The following TLN2 variants were observed in gnomAD, a reference collection of about 807,000 sequenced individuals.
The protein encoded by TLN2 is talin-2.
In TLN2, 118 loss-of-function variants were observed where a neutral mutation model predicts 294.7. The ratio of observed to expected loss-of-function variants is 0.40; its 90% CI spans 0.34 to 0.47. TLN2 has a LOEUF of 0.47. Among genes scored for constraint, TLN2 ranks in the 20% least tolerant of loss-of-function variants. The probability of loss-of-function intolerance (pLI) is 0.84; values close to 1 mark genes in which losing one functional copy is unlikely to be tolerated. For synonymous variants in TLN2, 1,431 were observed against 1,304.5 expected (o/e 1.10, Z -2.09); for missense variants, 3,083 against 3,282.2 (o/e 0.94, Z 1.48).
In TLN2 at chr15:62,797,339, C is replaced by G. The variant is rs775809167; in HGVS notation, c.6171C>G (p.Thr2057=). Residue 2057 remains threonine, a synonymous_variant, in exon 48 of 59, where the codon ACC becomes ACG. Transcript: ENST00000636159. ...CCCAGTCCTCAGCAGCCACCATCAC[C>G]CAGCTCGCAGAAGTGGTCAAGCTGG... ...QAAQSSAATI[T]QLAEVVKLGA... is the part of the protein sequence containing the mutation. The G allele has an allele frequency of 2.7e-5, 43 of 1,613,456 alleles. No individual in the cohort carries two copies. Among genetic ancestry groups the G allele is most frequent in the Non-Finnish European group, 3.3e-5 (39 of 1,179,990 alleles).
chr15:62,671,275 A>G (rs528832071), intron 9 of TLN2, among the ~76,000 whole-genome samples: 1 of 152,176 alleles, frequency 6.6e-6, no homozygotes, highest in African/African-American at 2.4e-5. Context: ...TTAAAAGTTT[A>G]TAATTTTGAA....
At chr15:62,742,679 C>T (rs993967710) in intron 32 of TLN2, among the ~76,000 whole-genome samples, 4 of 152,110 alleles carry the variant, frequency 2.6e-5, no homozygotes, top group Admixed American at 6.5e-5. Flanking sequence ...TAGCAGTTGA[C>T]GGAGAATTCC....
intron 12 of TLN2, among the ~76,000 whole-genome samples, chr15:62,692,338 A>C (rs111870988): frequency 0.025 from 3,749 of 152,178 alleles, 77 homozygotes; most frequent in South Asian, 0.051. Context: ...CAGACCATCC[A>C]CCTGCCTGGG....
At chr15:62,680,462 C>A (rs1245716845) in intron 11 of TLN2, among the ~76,000 whole-genome samples, 2 of 151,714 alleles carry the variant, frequency 1.3e-5, no homozygotes, top group East Asian at 3.9e-4. Flanking sequence ...ATATGTCAAC[C>A]ATGTGAAATA....
intron 51 of TLN2, among the ~76,000 whole-genome samples, chr15:62,808,830 TG>T (rs2141169534): frequency 6.6e-6 from 1 of 152,328 alleles, no homozygotes; most frequent in Non-Finnish European, 1.5e-5. Context: ...GAGGAAAAGC[TG>T]GCTCATACAT....
chr15:62,650,074 T>C lies in TLN2; in HGVS notation c.137-10T>C. On this transcript the variant is annotated splice_polypyrimidine_tract_variant and intron_variant, in intron 4 of 58. Transcript: ENST00000636159. The stretch of plus-strand genomic sequence containing the variant: ...TTTGCCTTCTGTTTTTCTTCCCATT[T>C]ATATTTCAGCTTCTGACTATGGACT... 6.2e-7 allele frequency: 1 copy of C among 1,613,934 alleles called. No individual in the cohort carries two copies. Among genetic ancestry groups the C allele is most frequent in the East Asian group, 2.2e-5 (1 of 44,872 alleles).
intron 4 of TLN2, among the ~76,000 whole-genome samples, chr15:62,648,668 C>T (rs143488338): frequency 0.014 from 2,096 of 151,542 alleles, 49 homozygotes; most frequent in South Asian, 0.053. Flanking sequence ...CTGCCTCAGC[C>T]TCCCAAGTAG....
chr15:62,526,730 C>A (rs901370017), intron 1 of TLN2, among the ~76,000 whole-genome samples: 1 of 152,212 alleles, frequency 6.6e-6, no homozygotes, highest in African/African-American at 2.4e-5. Flanking sequence ...CCCTTAGACC[C>A]TATCCCAAGT....
intron 1 of TLN2, among the ~76,000 whole-genome samples, chr15:62,553,345 C>T (rs1023699551): frequency 6.6e-6 from 1 of 152,138 alleles, no homozygotes; most frequent in East Asian, 1.9e-4. Flanking sequence ...ATTAGCTAGG[C>T]GTGATGGTGG....
At chr15:62,675,156 C>A in intron 10 of TLN2, 61 bp from the exon 11 acceptor site, 2 of 1,518,428 alleles carry the variant, frequency 1.3e-6, no homozygotes, top group South Asian at 1.1e-5. Context: ...AACTACCTCT[C>A]TCCAAGTCCA....
At chr15:62,653,969 A>T (rs1012399665) in intron 7 of TLN2, among the ~76,000 whole-genome samples, 2 of 152,190 alleles carry the variant, frequency 1.3e-5, no homozygotes, top group African/African-American at 4.8e-5. Flanking sequence ...ATGTATATTT[A>T]TGGGATGCAT....
chr15:62,646,718 C>A (rs2051899618), intron 3 of TLN2, among the ~76,000 whole-genome samples: 1 of 152,124 alleles, frequency 6.6e-6, no homozygotes, highest in Admixed American at 6.5e-5. Context: ...GCAGAGTGGC[C>A]AAAGTGACTT....
chr15:62,766,176 G>A, intron 40 of TLN2, 145 bp from the exon 41 acceptor site: 3 of 589,488 alleles, frequency 5.1e-6, no homozygotes, highest in Non-Finnish European at 5.9e-6. Flanking sequence ...GTCAGGGCAG[G>A]GTGCAGTGGC....
chr15:62,694,503 G>A lies in TLN2; in HGVS notation c.1292+111G>A, dbSNP rs553924006. The A allele has an allele frequency of 7.3e-6, 6 of 826,550 alleles. No homozygotes were observed. In the African/African-American group the frequency reaches 1.0e-4, roughly 14 times the overall value. The allele number at this position is 826,550 out of a possible 1,614,324, so 51.2% of individuals were successfully genotyped here. ...AGCCTGTCACCTGGAGAAGATGACA[G>A]CAGATGATATAGTTGAATCTTCTTC... is the stretch of plus-strand genomic sequence containing the variant. On this transcript the variant is annotated intron_variant, in intron 14 of 58. Transcript: ENST00000636159.
At chr15:62,820,989 T>G (rs987936585) in intron 54 of TLN2, among the ~76,000 whole-genome samples, 2 of 152,246 alleles carry the variant, frequency 1.3e-5, no homozygotes, top group Admixed American at 6.5e-5. Context: ...GAAATAGCAC[T>G]GCTGGGAATC....
intron 26 of TLN2, among the ~76,000 whole-genome samples, chr15:62,723,604 T>C (rs1351843772): frequency 7.2e-6 from 1 of 139,072 alleles, no homozygotes; most frequent in East Asian, 2.2e-4. Context: ...AGTACAGTGG[T>C]GCAGTCATGG....
rs1464232524 is a variant in TLN2 at position 62,820,532 on chromosome 15, A to C, written c.6924A>C (p.Thr2308=). Residue 2308 remains threonine (T), a synonymous_variant, in exon 54 of 59, where the codon ACA becomes ACC. Transcript: ENST00000636159. ...AAGACCCAACTGTCATTGCAGAAAC[A>C]GAGTTACTGGGGGCTGCAGCATCCA... The part of the protein sequence containing the change: ...DPEDPTVIAE[T]ELLGAAASIE... The C allele has an allele frequency of 1.9e-6, 3 of 1,614,020 alleles. No individual in the cohort carries two copies. Among genetic ancestry groups the C allele is most frequent in the Non-Finnish European group, 1.7e-6 (2 of 1,179,928 alleles).
intron 1 of TLN2, among the ~76,000 whole-genome samples, chr15:62,439,765 C>G (rs985549912): frequency 6.6e-6 from 1 of 152,190 alleles, no homozygotes; most frequent in African/African-American, 2.4e-5. Context: ...TTTGGGTATG[C>G]ATTGTCCTTT....
Position 62,694,537 on chromosome 15 carries a change from TC to T in TLN2, c.1292+149del, listed in dbSNP as rs2058186396. The T allele has an allele frequency of 1.4e-5, 9 of 643,908 alleles. No homozygotes were observed. In the East Asian group the frequency reaches 2.6e-4, roughly 18 times the overall value. The allele number at this position is 643,908 out of a possible 1,614,324, so 39.9% of individuals were successfully genotyped here. A position where few individuals can be genotyped will look rare whatever the true frequency, so the allele number is the denominator to read the frequency against. ...ATAGTTGAATCTTCTTCAAGCGTGG[TC>T]CCCAGACCAGCAGCATTGAAGTGGC... On this transcript the variant is annotated intron_variant, in intron 14 of 58. Transcript: ENST00000636159.
Sources: allele counts gnomAD v4.1 joint callset (sites outside exome capture counted in the v4.1 genomes callset), GRCh38; gene constraint gnomAD v4.1.1; transcripts MANE v1.5; gene names NCBI Gene and HGNC (gene_info 2026-07-23, HGNC 2026-07-21).